Variants in GNL2 observed in about 807,000 individuals in gnomAD.
GNL2 encodes the protein nucleolar GTP-binding protein 2.
Under a neutral mutation model 92.3 loss-of-function variants are expected in GNL2, and 51 were observed. The ratio of observed to expected loss-of-function variants is 0.55; its 90% CI spans 0.44 to 0.70. GNL2 has a LOEUF of 0.70. Ranked by LOEUF, GNL2 falls within the 30% of genes least tolerant of loss-of-function variation. GNL2 has a pLI of 0.00. For synonymous variants in GNL2, 283 were observed against 300.6 expected (o/e 0.94, Z 0.61); for missense variants, 844 against 895.6 (o/e 0.94, Z 0.74).
intron 12 of GNL2, among the ~76,000 whole-genome samples, chr1:37,573,080 T>C (rs886851084): frequency 6.6e-6 from 1 of 152,170 alleles, no homozygotes; most frequent in African/African-American, 2.4e-5. Context: ...ACACTCAATA[T>C]GGGATTGCTG....
intron 8 of GNL2, among the ~76,000 whole-genome samples, chr1:37,580,260 C>G (rs1262802340): frequency 6.6e-6 from 1 of 152,046 alleles, no homozygotes; most frequent in African/African-American, 2.4e-5. Flanking sequence ...GGTTGTGCCA[C>G]CACACTCCAG....
At chr1:37,567,572 G>A in intron 15 of GNL2, 101 bp downstream of exon 15, 1 of 834,180 alleles carries the variant, frequency 1.2e-6, no homozygotes, top group Non-Finnish European at 2.1e-6. Context: ...CGAGGACTGG[G>A]GTTCTTGGGA....
rs1358666410 is a variant in GNL2 at position 37,575,338 on chromosome 1, C to T, written c.1143+257G>A. On this transcript the variant is annotated intron_variant, in intron 10 of 15. Transcript: ENST00000373062. The surrounding 1 kb of genome is among the most constrained non-coding windows in gnomAD (Gnocchi z 4.1). Reference sequence around the variant, plus strand: ...CGAATTATCGCTAAGCATAAACAGGCCCTGCTTCCCTTTGGATCCTGTGTG... The same window carrying T: ...CGAATTATCGCTAAGCATAAACAGGTCCTGCTTCCCTTTGGATCCTGTGTG... 6.6e-6 allele frequency among the ~76,000 whole-genome samples: 1 copy of T among 152,164 alleles called. No homozygotes were observed. Among genetic ancestry groups the T allele is most frequent in the Non-Finnish European group, 1.5e-5 (1 of 68,032 alleles).
chr1:37,593,526 A>T, intron 2 of GNL2: 1 of 464,964 alleles, frequency 2.2e-6, no homozygotes, highest in South Asian at 3.7e-5. Flanking sequence ...GGCTGTGAGA[A>T]ACAAGACCTC....
At position 37,574,826 on chromosome 1, in the gene GNL2, A is replaced by G. The variant is rs758156498; in HGVS notation, c.1144-3T>C. The G allele has an allele frequency of 1.2e-6, 2 of 1,603,800 alleles. No individual in the cohort carries two copies. Among genetic ancestry groups the G allele is most frequent in the Non-Finnish European group, 1.7e-6 (2 of 1,172,206 alleles). ...CTCTTAATTTTTTCTACTTGAACCT[A>G]AATGTTAATAGGAAATCTCTCACTT... On this transcript the variant is annotated splice_polypyrimidine_tract_variant and splice_region_variant and intron_variant, in intron 10 of 15. Coordinates refer to ENST00000373062, the MANE Select transcript of GNL2 (RefSeq NM_013285.3).
chr1:37,595,438 T>C (rs1333694238), intron 1 of GNL2, among the ~76,000 whole-genome samples: 1 of 152,236 alleles, frequency 6.6e-6, no homozygotes, highest in African/African-American at 2.4e-5. Flanking sequence ...ACCTACACCA[T>C]TTTTAATCTG....
chr1:37,567,893 G>A (rs1643532332), intron 14 of GNL2, 129 bp from the exon 15 acceptor site: 2 of 699,122 alleles, frequency 2.9e-6, no homozygotes, highest in Non-Finnish European at 5.0e-6. Flanking sequence ...GCACAGTGGT[G>A]AGTAAAGCAG....
chr1:37,587,039 T>A (rs947669843), intron 5 of GNL2, among the ~76,000 whole-genome samples: 7 of 151,924 alleles, frequency 4.6e-5, no homozygotes, highest in African/African-American at 1.7e-4. Context: ...GGCCAAGGAG[T>A]GTGGATTGCC....
At chr1:37,573,054 C>A (rs1643618876) in intron 12 of GNL2, among the ~76,000 whole-genome samples, 1 of 152,308 alleles carries the variant, frequency 6.6e-6, no homozygotes, top group East Asian at 1.9e-4. Context: ...CCAGAAGAGT[C>A]TGTGGCCAAC....
chr1:37,590,732 G>T lies in GNL2; in HGVS notation c.358C>A (p.Leu120Ile). 1 of 1,613,450 alleles carries T rather than the reference G, an allele frequency of 6.2e-7. No individual in the cohort carries two copies. The highest frequency in any genetic ancestry group is 8.5e-7 in the Non-Finnish European group (1 of 1,179,356). The change falls in exon 4 of 16, where the codon CTT becomes ATT. Residue 120 changes from leucine to isoleucine, a missense_variant. Transcript: ENST00000373062. ...TGAGGCCGGATTCGATCATGGAGAA[G>T]AGACATTGGTAACTTGCTTTGCTTC... ...VMKQSKLPMS[L>I]LHDRIRPHNL...
Position 37,569,151 on chromosome 1 carries a change from T to C in GNL2, c.1568A>G (p.Gln523Arg). The change falls in exon 13 of 16, where the codon CAG becomes CGG. Residue 523 changes from glutamine (Q) to arginine (R), a missense_variant. Physicochemically the swap from Gln to Arg is conservative, Grantham distance 43. Coordinates refer to ENST00000373062, the MANE Select transcript of GNL2 (RefSeq NM_013285.3). ...NSHCDANTEM[Q>R]QILTRVRQNF... is the part of the protein sequence containing the mutation. ...CTGCCGAACTCGTGTGAGAATCTGCTGCATCTCTGTGTTAGCATCACAGTG... is the reference window on the plus strand; with the variant it reads ...CTGCCGAACTCGTGTGAGAATCTGCCGCATCTCTGTGTTAGCATCACAGTG... The C allele has an allele frequency of 1.2e-6, 2 of 1,614,208 alleles. No homozygotes were observed. The highest frequency in any genetic ancestry group is 1.7e-6 in the Non-Finnish European group (2 of 1,180,022).
Position 37,574,347 on chromosome 1 carries a change from G to C in GNL2, c.1412C>G (p.Pro471Arg), listed in dbSNP as rs749107201. Residue 471 changes from proline (P) to arginine (R), a missense_variant, in exon 12 of 16, where the codon CCC (proline) becomes CGC (arginine). Pro to Arg is a moderately radical substitution (Grantham distance 103). Coordinates refer to ENST00000373062, the MANE Select transcript of GNL2 (RefSeq NM_013285.3). The stretch of plus-strand genomic sequence containing the variant: ...GTGGGCCCACCCTGCTCTTACCTGG[G>C]GGGCCACAAGTGGCTCTGCATTGGG... ...KPPNAEPLVAPQLLPSSSLEV... is the reference protein window; with the variant it reads ...KPPNAEPLVARQLLPSSSLEV... The C allele has an allele frequency of 1.4e-5, 23 of 1,611,574 alleles. 1 individual carries two copies. The East Asian group carries it at 5.1e-4, about 36-fold the overall frequency.
chr1:37,567,682 T>G lies in GNL2; in HGVS notation c.2034A>C (p.Thr678=). Residue 678 remains threonine (T), a synonymous_variant, in exon 15 of 16, where the codon ACA becomes ACC. Transcript: ENST00000373062. ...AACCTATGACACTTACTTCTTTTGA[T>G]GTAAGCGCCCTGGGAGCTTTATTTG... is the stretch of plus-strand genomic sequence containing the variant. ...EHSNKAPRAL[T]SKERRRAVRQ... is the part of the protein sequence containing the mutation. 1 of 1,605,110 alleles carries G rather than the reference T, an allele frequency of 6.2e-7. No homozygotes were observed. The highest frequency in any genetic ancestry group is 1.1e-5 in the South Asian group (1 of 90,888).
chr1:37,587,127 C>T (rs1211015190), intron 5 of GNL2, among the ~76,000 whole-genome samples, 184 bp downstream of exon 5: 1 of 152,062 alleles, frequency 6.6e-6, no homozygotes, highest in Non-Finnish European at 1.5e-5. Context: ...ATTAGCCAGG[C>T]ATGGAGGCAT....
At position 37,569,081 on chromosome 1, in the gene GNL2, G is replaced by A; in HGVS notation, c.1638C>T (p.Asp546=). 6.2e-7 allele frequency: 1 copy of A among 1,614,098 alleles called. No individual in the cohort carries two copies. The highest frequency in any genetic ancestry group is 8.5e-7 in the Non-Finnish European group (1 of 1,179,990). Residue 546 remains aspartate (D), a synonymous_variant, in exon 13 of 16, where the codon GAC becomes GAT. Transcript: ENST00000373062. ...INVVPQFSGD[D]LVPVEVSDLE... ...GATCTGACACCTCCACAGGAACCAGGTCATCCCCAGAAAACTGAGGCACCA... is the reference window on the plus strand; with the variant it reads ...GATCTGACACCTCCACAGGAACCAGATCATCCCCAGAAAACTGAGGCACCA...
At position 37,590,760 on chromosome 1, in the gene GNL2, G is replaced by T; in HGVS notation, c.330C>A (p.Val110=). ...DTVMKDPYKV[V]MKQSKLPMSL... ...ACATTGGTAACTTGCTTTGCTTCATGACAACTTTGTATGGATCCTTCATAA... is the reference window on the plus strand; with the variant it reads ...ACATTGGTAACTTGCTTTGCTTCATTACAACTTTGTATGGATCCTTCATAA... The change falls in exon 4 of 16, where the codon GTC becomes GTA. Residue 110 remains valine (V), a synonymous_variant. Coordinates refer to ENST00000373062, the MANE Select transcript of GNL2 (RefSeq NM_013285.3). 6.2e-7 allele frequency: 1 copy of T among 1,612,618 alleles called. No individual in the cohort carries two copies. Among genetic ancestry groups the T allele is most frequent in the South Asian group, 1.1e-5 (1 of 91,028 alleles).
In GNL2 at chr1:37,575,248, G is replaced by A. The variant is rs797008041; in HGVS notation, c.1143+347C>T. ...TGGAACCATTTACAGTTTTTCAGTCGTATTCAGAAACAAGTGAGGAAATGA... is the reference window on the plus strand; with the variant it reads ...TGGAACCATTTACAGTTTTTCAGTCATATTCAGAAACAAGTGAGGAAATGA... On this transcript the variant is annotated intron_variant, in intron 10 of 15. Transcript: ENST00000373062. This position sits in a 1 kb window ranked among gnomAD's most constrained non-coding sequence, Gnocchi z 4.1. Among the ~76,000 whole-genome samples the A allele has an allele frequency of 9.8e-5, 15 of 152,296 alleles. No homozygotes were observed. Among genetic ancestry groups the A allele is most frequent in the Non-Finnish European group, 1.3e-4 (9 of 68,016 alleles).
At chr1:37,581,867 A>T (rs1264358126) in intron 8 of GNL2, among the ~76,000 whole-genome samples, 5 of 151,942 alleles carry the variant, frequency 3.3e-5, no homozygotes, top group Non-Finnish European at 7.4e-5. Flanking sequence ...GTTTCACCAT[A>T]TTGGCCAGGC....
chr1:37,594,189 GAA>G (rs1643907204), intron 1 of GNL2: 1 of 176,810 alleles, frequency 5.7e-6, no homozygotes, highest in South Asian at 1.4e-4. Context: ...TGCGGAGTGA[GAA>G]ACTGAGGCAC....
Sources: gnomAD v4.1 joint callset for allele counts (sites outside exome capture counted in the v4.1 genomes callset) on GRCh38, gnomAD v4.1.1 for gene constraint, Gnocchi (gnomAD v3.1) non-coding constraint, MANE v1.5 for transcripts, NCBI Gene and HGNC (gene_info 2026-07-23, HGNC 2026-07-21) for gene names.